NINJ2: variants seen among roughly 807,000 people sequenced by gnomAD.
The protein encoded by NINJ2 is ninjurin-2.
In NINJ2, 12 loss-of-function variants were observed where a neutral mutation model predicts 11.7. That is an observed-to-expected ratio of 1.02 (90% confidence interval 0.66 to 1.66). The LOEUF is 1.66. Among genes scored for constraint, NINJ2 ranks in the 40% most tolerant of loss-of-function variants. The probability of loss-of-function intolerance (pLI) is 0.00; values close to 1 mark genes in which losing one functional copy is unlikely to be tolerated. For synonymous variants in NINJ2, 93 were observed against 76.8 expected (o/e 1.21, Z -1.10); for missense variants, 187 against 181.8 (o/e 1.03, Z -0.16).
chr12:645,435 C>G (rs751989877), intron 1 of NINJ2: 2 of 152,088 alleles, frequency 1.3e-5, no homozygotes, highest in Non-Finnish European at 2.9e-5. Context: ...TGCCTTTGTT[C>G]TGAAATCTGC....
At position 633,638 on chromosome 12, in the gene NINJ2, A is replaced by T. The variant is rs1948309724; in HGVS notation, c.33+29690T>A. 6.6e-6 allele frequency among the ~76,000 whole-genome samples: 1 copy of T among 152,198 alleles called. No homozygotes were observed. Among genetic ancestry groups the T allele is most frequent in the Non-Finnish European group, 1.5e-5 (1 of 68,024 alleles). On this transcript the variant is annotated intron_variant, in intron 1 of 3. Transcript: ENST00000305108. The surrounding 1 kb of genome is among the most constrained non-coding windows in gnomAD (Gnocchi z 4.3). ...CAAGACCAGCCTGGCCAACACGGCAAAATCCCGTCTCTACTAAAATACAAA... is the reference window on the plus strand; with the variant it reads ...CAAGACCAGCCTGGCCAACACGGCATAATCCCGTCTCTACTAAAATACAAA...
chr12:609,661 C>G (rs12321271), intron 1 of NINJ2, among the ~76,000 whole-genome samples: 5 of 151,512 alleles, frequency 3.3e-5, no homozygotes, highest in Non-Finnish European at 7.4e-5. Flanking sequence ...GTCCCAGCTA[C>G]TCAGGAGGGT....
intron 1 of NINJ2, among the ~76,000 whole-genome samples, chr12:642,088 T>C (rs541485992): frequency 4.6e-5 from 7 of 152,340 alleles, no homozygotes; most frequent in Non-Finnish European, 1.0e-4. Flanking sequence ...GGTTGAGCCA[T>C]TGACTAGCTG....
At chr12:603,868 C>T (rs1231501124) in intron 1 of NINJ2, among the ~76,000 whole-genome samples, 1 of 152,052 alleles carries the variant, frequency 6.6e-6, no homozygotes, top group Non-Finnish European at 1.5e-5. Flanking sequence ...GCCATCTTGG[C>T]CAGTCTGGTT....
At chr12:638,012 A>T (rs985038734) in intron 1 of NINJ2, among the ~76,000 whole-genome samples, 15 of 152,326 alleles carry the variant, frequency 9.8e-5, no homozygotes, top group Non-Finnish European at 8.8e-5. Context: ...GACCAGCACC[A>T]TTTGTGCTTC....
At chr12:566,290 C>T (rs770518598) in intron 1 of NINJ2, 112 bp from the exon 2 acceptor site, 16 of 831,168 alleles carry the variant, frequency 1.9e-5, no homozygotes, top group Non-Finnish European at 3.0e-5. Flanking sequence ...ATGGGAAGCT[C>T]AGGGCAAATG....
At chr12:622,653 C>A (rs1229890668) in intron 1 of NINJ2, among the ~76,000 whole-genome samples, 1 of 152,072 alleles carries the variant, frequency 6.6e-6, no homozygotes, top group African/African-American at 2.4e-5. Context: ...CAGTTCCCAC[C>A]TTCATCCTCT....
At chr12:579,632 C>T (rs1049838887) in intron 1 of NINJ2, among the ~76,000 whole-genome samples, 2 of 152,188 alleles carry the variant, frequency 1.3e-5, no homozygotes, top group East Asian at 1.9e-4. Context: ...ATAATTGATC[C>T]GCCCCCACTC....
rs1947625599 is a variant in NINJ2 at position 585,569 on chromosome 12, AGGCTG to A, written c.34-19396_34-19392del. Among the ~76,000 whole-genome samples, 1 of 146,742 alleles carries A rather than the reference AGGCTG, an allele frequency of 6.8e-6. No individual in the cohort carries two copies. Among genetic ancestry groups the A allele is most frequent in the African/African-American group, 2.5e-5 (1 of 39,804 alleles). ...GGAAGGGAACGGTTGGAGGGAAGGG[AGGCTG>A]AGCACAGGCACGGTCACGCTGTGTT... On this transcript the variant is annotated intron_variant, in intron 1 of 3. Coordinates refer to ENST00000305108, the MANE Select transcript of NINJ2 (RefSeq NM_016533.6). The surrounding 1 kb of genome is among the most constrained non-coding windows in gnomAD (Gnocchi z 4.1).
At chr12:578,732 A>G (rs547187773) in intron 1 of NINJ2, among the ~76,000 whole-genome samples, 35 of 152,284 alleles carry the variant, frequency 2.3e-4, no homozygotes, top group African/African-American at 8.2e-4. Context: ...TCCCTCAACA[A>G]TGGGGACCAG....
rs554328905 is a variant in NINJ2 at position 627,549 on chromosome 12, A to T, written c.33+35779T>A. 4.4e-4 allele frequency among the ~76,000 whole-genome samples: 67 copies of T among 152,340 alleles called. No homozygotes were observed. The East Asian group carries it at 0.013, about 29-fold the overall frequency. ...TTTAGATGGATAAAGTGAAGCAAGG[A>T]AAATTCTAATTATTGGAGCCTCGAA... On this transcript the variant is annotated intron_variant, in intron 1 of 3. Coordinates refer to ENST00000305108, the MANE Select transcript of NINJ2 (RefSeq NM_016533.6).
chr12:635,053 CTTTTT>C (rs1186262966), intron 1 of NINJ2, among the ~76,000 whole-genome samples: 1 of 140,832 alleles, frequency 7.1e-6, no homozygotes, highest in Non-Finnish European at 1.6e-5. Flanking sequence ...TCCCCATATA[CTTTTT>C]TTTTTTTTTT....
chr12:633,935 C>CCA lies in NINJ2; in HGVS notation c.33+29391_33+29392dup, dbSNP rs1420615195. ...CCCACCTATCCAGTTGTGCTTTCCCCCACACACACCGTCTGATCTGGTCAG... is the reference window on the plus strand; with the variant it reads ...CCCACCTATCCAGTTGTGCTTTCCCCCACACACACACCGTCTGATCTGGTCAG... On this transcript the variant is annotated intron_variant, in intron 1 of 3. Coordinates refer to ENST00000305108, the MANE Select transcript of NINJ2 (RefSeq NM_016533.6). The surrounding 1 kb of genome is among the most constrained non-coding windows in gnomAD (Gnocchi z 4.3). 1.3e-5 allele frequency among the ~76,000 whole-genome samples: 2 copies of CCA among 152,166 alleles called. No homozygotes were observed. The highest frequency in any genetic ancestry group is 4.8e-5 in the African/African-American group (2 of 41,442).
At chr12:654,575 G>C (rs1937844925) in intron 1 of NINJ2, among the ~76,000 whole-genome samples, 1 of 150,874 alleles carries the variant, frequency 6.6e-6, no homozygotes, top group African/African-American at 2.4e-5. Flanking sequence ...TTTAGTCCAG[G>C]TATGCAGGAC....
chr12:589,013 C>T (rs1947682421), intron 1 of NINJ2, among the ~76,000 whole-genome samples: 1 of 152,130 alleles, frequency 6.6e-6, no homozygotes. Context: ...ATAGTCTTAC[C>T]TAGTAAGTCC....
chr12:614,136 G>A lies in NINJ2; in HGVS notation c.34-47958C>T, dbSNP rs1039831568. 2.6e-5 allele frequency among the ~76,000 whole-genome samples: 4 copies of A among 152,060 alleles called. No individual in the cohort carries two copies. Among genetic ancestry groups the A allele is most frequent in the South Asian group, 2.1e-4 (1 of 4,822 alleles). ...GGCTAGTAAGAACAGTCTCTTACAC[G>A]ATGTCCTACTGCCTCCTAAAGAAGA... On this transcript the variant is annotated intron_variant, in intron 1 of 3. Transcript: ENST00000305108. This position sits in a 1 kb window ranked among gnomAD's most constrained non-coding sequence, Gnocchi z 5.1.
Position 614,048 on chromosome 12 carries a change from G to A in NINJ2, c.34-47870C>T, listed in dbSNP as rs1313591178. Among the ~76,000 whole-genome samples, 1 of 152,182 alleles carries A rather than the reference G, an allele frequency of 6.6e-6. No individual in the cohort carries two copies. Among genetic ancestry groups the A allele is most frequent in the Non-Finnish European group, 1.5e-5 (1 of 68,046 alleles). On this transcript the variant is annotated intron_variant, in intron 1 of 3. Coordinates refer to ENST00000305108, the MANE Select transcript of NINJ2 (RefSeq NM_016533.6). This position sits in a 1 kb window ranked among gnomAD's most constrained non-coding sequence, Gnocchi z 5.1. ...TTCTTTCCAGGTGCTATTCATTTAA[G>A]CCCTTCCAGAAGCCACAGGCATGTG...
chr12:619,696 G>C (rs1948131340), intron 1 of NINJ2, among the ~76,000 whole-genome samples: 1 of 152,172 alleles, frequency 6.6e-6, no homozygotes, highest in Non-Finnish European at 1.5e-5. Context: ...GGTTTAGAAT[G>C]ATTCCTTGGG....
intron 1 of NINJ2, among the ~76,000 whole-genome samples, chr12:608,377 TTAA>T (rs1947966721): frequency 6.6e-6 from 1 of 152,238 alleles, no homozygotes; most frequent in African/African-American, 2.4e-5. Flanking sequence ...TAGCGAACAC[TTAA>T]TAATGTGCTT....
Sources: allele counts gnomAD v4.1 joint callset (sites outside exome capture counted in the v4.1 genomes callset), GRCh38; gene constraint gnomAD v4.1.1; non-coding constraint Gnocchi (gnomAD v3.1); transcripts MANE v1.5; gene names NCBI Gene and HGNC (gene_info 2026-07-23, HGNC 2026-07-21).